The following SLC38A7 variants were observed in gnomAD, a reference collection of about 807,000 sequenced individuals.
SLC38A7 encodes the protein sodium-coupled neutral amino acid transporter 7.
SLC38A7 carries 29 observed loss-of-function variants against 50.1 expected under a neutral mutation model. The ratio of observed to expected loss-of-function variants is 0.58; its 90% CI spans 0.43 to 0.79. The LOEUF (loss-of-function observed/expected upper bound fraction) is 0.79, where lower values mean the gene tolerates loss of function less well. Ranked by LOEUF, SLC38A7 falls within the 30% of genes least tolerant of loss-of-function variation. The pLI, the probability that SLC38A7 is intolerant of heterozygous loss-of-function variation, is 0.00. For missense variants in SLC38A7, 483 were observed against 610.6 expected (o/e 0.79, Z 2.20); for synonymous variants, 244 against 245.9 (o/e 0.99, Z 0.07).
chr16:58,679,682 G>T, intron 3 of SLC38A7, 175 bp downstream of exon 3: 1 of 764,724 alleles, frequency 1.3e-6, no homozygotes, highest in Non-Finnish European at 2.0e-6. Flanking sequence ...GGCTTCTGAA[G>T]CCTCATTTGG....
chr16:58,670,030 T>C (rs2044129750), intron 11 of SLC38A7, 83 bp downstream of exon 11: 2 of 1,202,290 alleles, frequency 1.7e-6, no homozygotes, highest in African/African-American at 3.1e-5. Flanking sequence ...AGCCTCTGAC[T>C]CCTATCTGTT....
chr16:58,679,735 T>C (rs1466280062), intron 3 of SLC38A7, 122 bp downstream of exon 3: 3 of 1,290,344 alleles, frequency 2.3e-6, no homozygotes, highest in African/African-American at 1.5e-5. Flanking sequence ...ATGTCTGCCA[T>C]GTGTGAGGGA....
At position 58,678,845 on chromosome 16, in the gene SLC38A7, G is replaced by T; in HGVS notation, c.320C>A (p.Ser107Tyr). The T allele has an allele frequency of 1.2e-6, 2 of 1,614,124 alleles. No homozygotes were observed. Among genetic ancestry groups the T allele is most frequent in the Non-Finnish European group, 1.7e-6 (2 of 1,180,040 alleles). Reference protein sequence around the residue: ...ISGLVILAYCSQASNERTYQE... With the variant: ...ISGLVILAYCYQASNERTYQE... Reference sequence around the variant, plus strand: ...GTAGGTCCTCTCATTGCTGGCCTGGGAGCAGTAGGCCAGGATGACAAGGCC... The same window carrying T: ...GTAGGTCCTCTCATTGCTGGCCTGGTAGCAGTAGGCCAGGATGACAAGGCC... Residue 107 changes from serine (S) to tyrosine (Y), a missense_variant, in exon 4 of 12, where the codon TCC (serine) becomes TAC (tyrosine). Transcript: ENST00000219320. The surrounding 1 kb of genome is among the most constrained non-coding windows in gnomAD (Gnocchi z 4.0).
intron 8 of SLC38A7, among the ~76,000 whole-genome samples, chr16:58,673,830 A>AT (rs1212854298): frequency 4.0e-4 from 59 of 146,452 alleles, no homozygotes; most frequent in East Asian, 4.0e-4. Flanking sequence ...TGCCTGGCTA[A>AT]TTTTTTTTTT....
At position 58,665,753 on chromosome 16, in the gene SLC38A7, G is replaced by T. The variant is rs1436649155; in HGVS notation, c.*1632C>A. 1.3e-5 allele frequency: 2 copies of T among 152,240 alleles called. No homozygotes were observed. Among genetic ancestry groups the T allele is most frequent in the Non-Finnish European group, 2.9e-5 (2 of 68,108 alleles). 9.4% of individuals were successfully genotyped at this position (152,240 alleles called of 1,614,324 possible). A position where few individuals can be genotyped will look rare whatever the true frequency, so the allele number is the denominator to read the frequency against. The stretch of plus-strand genomic sequence containing the variant: ...ACGGGAATATAGTGGGGAGTAGGGT[G>T]GGAGGTGGGGAGATAGCCTATCTCT... On this transcript the variant is annotated 3_prime_UTR_variant, in exon 12 of 12. Coordinates refer to ENST00000219320, the MANE Select transcript of SLC38A7 (RefSeq NM_018231.3).
At position 58,679,958 on chromosome 16, in the gene SLC38A7, T is replaced by C; in HGVS notation, c.169A>G (p.Ile57Val). The change falls in exon 3 of 12, where the codon ATC (isoleucine) becomes GTC (valine). Residue 57 changes from isoleucine (I) to valine (V), a missense_variant. Ile to Val is a conservative substitution (Grantham distance 29). Coordinates refer to ENST00000219320, the MANE Select transcript of SLC38A7 (RefSeq NM_018231.3). ...DRGTTSTLGA[I>V]FIVVNACLGA... ...AGGCACGCGTTGACGACGATGAAGA[T>C]GGCCCCAAGTGTGGAAGTGGTGCCT... 1 of 1,611,796 alleles carries C rather than the reference T, an allele frequency of 6.2e-7. No individual in the cohort carries two copies. Among genetic ancestry groups the C allele is most frequent in the Non-Finnish European group, 8.5e-7 (1 of 1,178,570 alleles).
chr16:58,674,826 C>T lies in SLC38A7; in HGVS notation c.883+1114G>A, dbSNP rs187005146. On this transcript the variant is annotated intron_variant, in intron 8 of 11. Coordinates refer to ENST00000219320, the MANE Select transcript of SLC38A7 (RefSeq NM_018231.3). ...CTACGGTCTATCCGTGGAAAGAACT[C>T]AGGGGATCCTTCTTCCAGGGTCTCC... Among the ~76,000 whole-genome samples the T allele has an allele frequency of 3.3e-5, 5 of 152,236 alleles. No homozygotes were observed. In the East Asian group the frequency reaches 9.7e-4, roughly 29 times the overall value.
At chr16:58,670,949 T>C (rs939782033) in intron 10 of SLC38A7, 96 bp downstream of exon 10, 56 of 1,319,298 alleles carry the variant, frequency 4.2e-5, no homozygotes, top group Non-Finnish European at 5.5e-5. Flanking sequence ...GTGGTTACTC[T>C]CTCCTGCATG....
At chr16:58,680,603 G>A (rs1178364011) in intron 2 of SLC38A7, among the ~76,000 whole-genome samples, 1 of 152,176 alleles carries the variant, frequency 6.6e-6, no homozygotes, top group Admixed American at 6.5e-5. Flanking sequence ...TCCCATCACT[G>A]ACCCAGGGTC....
At position 58,667,011 on chromosome 16, in the gene SLC38A7, A is replaced by G; in HGVS notation, c.*374T>C. On this transcript the variant is annotated 3_prime_UTR_variant, in exon 12 of 12. Transcript: ENST00000219320. ...CTCAGGACAGGGTGCTCTGTGGAGG[A>G]TGGTGGCCTTCTGTCCATAGTCATT... is the stretch of plus-strand genomic sequence containing the variant. 1 of 300,068 alleles carries G rather than the reference A, an allele frequency of 3.3e-6. No homozygotes were observed. Among genetic ancestry groups the G allele is most frequent in the South Asian group, 8.0e-5 (1 of 12,538 alleles). The allele number at this position is 300,068 out of a possible 1,614,324, so 18.6% of individuals were successfully genotyped here.
intron 5 of SLC38A7, among the ~76,000 whole-genome samples, chr16:58,677,741 A>G (rs1230272006): frequency 6.6e-6 from 1 of 152,204 alleles, no homozygotes; most frequent in Non-Finnish European, 1.5e-5. Flanking sequence ...AGAGCAGCCC[A>G]GCCCGGGCAG....
In SLC38A7 at chr16:58,678,544, C is replaced by A; in HGVS notation, c.470-70G>T. On this transcript the variant is annotated intron_variant, in intron 4 of 11. Coordinates refer to ENST00000219320, the MANE Select transcript of SLC38A7 (RefSeq NM_018231.3). This position sits in a 1 kb window ranked among gnomAD's most constrained non-coding sequence, Gnocchi z 4.0. ...GGTGTGGCCCTCCTGCTCTGCTGGG[C>A]CCCAGGACCTCCCTCTGCCTGGAGG... The A allele has an allele frequency of 1.3e-6, 2 of 1,552,918 alleles. No individual in the cohort carries two copies. The highest frequency in any genetic ancestry group is 1.8e-5 in the Admixed American group (1 of 55,472).
At chr16:58,680,763 C>T (rs573080316) in intron 2 of SLC38A7, among the ~76,000 whole-genome samples, 1 of 152,292 alleles carries the variant, frequency 6.6e-6, no homozygotes, top group East Asian at 1.9e-4. Flanking sequence ...GGCCTGGAGT[C>T]TGAATTCTGT....
chr16:58,681,722 G>A (rs948184161), intron 2 of SLC38A7: 1 of 152,132 alleles, frequency 6.6e-6, no homozygotes, highest in African/African-American at 2.4e-5. Context: ...TGGGTCGTGT[G>A]TTAATATCAG....
In SLC38A7 at chr16:58,678,762, T is replaced by C. The variant is rs199648800; in HGVS notation, c.403A>G (p.Ile135Val). Residue 135 changes from isoleucine to valine, a missense_variant, in exon 4 of 12, where the codon ATC (isoleucine) becomes GTC (valine). Coordinates refer to ENST00000219320, the MANE Select transcript of SLC38A7 (RefSeq NM_018231.3). This position sits in a 1 kb window ranked among gnomAD's most constrained non-coding sequence, Gnocchi z 4.0. ...KLTGVLCEVAIAVYTFGTCIA... is the reference protein window; with the variant it reads ...KLTGVLCEVAVAVYTFGTCIA... ...CAGGTGCCAAAGGTGTAGACAGCGA[T>C]GGCCACCTCACATAGCACACCTGTC... 38 of 1,614,218 alleles carry C rather than the reference T, an allele frequency of 2.4e-5. No individual in the cohort carries two copies. Among genetic ancestry groups the C allele is most frequent in the East Asian group, 2.2e-5 (1 of 44,876 alleles).
In SLC38A7 at chr16:58,667,291, T is replaced by G; in HGVS notation, c.*94A>C. ...GATGTCCGGATGTCATCCCACCAGTTGGAATGATCGTGGACTAAGAATGGC... is the reference window on the plus strand; with the variant it reads ...GATGTCCGGATGTCATCCCACCAGTGGGAATGATCGTGGACTAAGAATGGC... On this transcript the variant is annotated 3_prime_UTR_variant, in exon 12 of 12. Coordinates refer to ENST00000219320, the MANE Select transcript of SLC38A7 (RefSeq NM_018231.3). 7.6e-7 allele frequency: 1 copy of G among 1,312,114 alleles called. No individual in the cohort carries two copies. Among genetic ancestry groups the G allele is most frequent in the Non-Finnish European group, 1.1e-6 (1 of 915,612 alleles). 81.3% of individuals were successfully genotyped at this position (1,312,114 alleles called of 1,614,324 possible). A position where few individuals can be genotyped will look rare whatever the true frequency, so the allele number is the denominator to read the frequency against.
rs187599941 is a variant in SLC38A7 at position 58,668,904 on chromosome 16, G to A, written c.1286+1209C>T. On this transcript the variant is annotated intron_variant, in intron 11 of 11. Coordinates refer to ENST00000219320, the MANE Select transcript of SLC38A7 (RefSeq NM_018231.3). The stretch of plus-strand genomic sequence containing the variant: ...TCTCCTACCTCAGCCTCCCGAGCTA[G>A]GACTACAGGCATGCGCCACCACAAC... Among the ~76,000 whole-genome samples the A allele has an allele frequency of 6.6e-3, 951 of 143,492 alleles. 8 individuals carry two copies. Among genetic ancestry groups the A allele is most frequent in the African/African-American group, 0.023 (900 of 38,960 alleles). The allele number at this position is 143,492 out of a possible 152,430, so 94.1% of individuals were successfully genotyped here.
At position 58,671,342 on chromosome 16, in the gene SLC38A7, GA is replaced by G. The variant is rs369823275; in HGVS notation, c.1032-99del. On this transcript the variant is annotated intron_variant, in intron 9 of 11. Coordinates refer to ENST00000219320, the MANE Select transcript of SLC38A7 (RefSeq NM_018231.3). The stretch of plus-strand genomic sequence containing the variant: ...GACCCCTAACTGGGTAGACTGCGGG[GA>G]AAGCCCCATTCCTGACCCTCAGTTT... 16 of 1,241,354 alleles carry G rather than the reference GA, an allele frequency of 1.3e-5. No individual in the cohort carries two copies. In the East Asian group the frequency reaches 1.8e-4, roughly 14 times the overall value. The allele number at this position is 1,241,354 out of a possible 1,614,324, so 76.9% of individuals were successfully genotyped here.
chr16:58,671,562 T>C (rs2152075732), intron 9 of SLC38A7: 1 of 394,070 alleles, frequency 2.5e-6, no homozygotes, highest in East Asian at 4.5e-5. Context: ...TAGAGATTCT[T>C]TTGTTTTTTG....
Sources: allele counts gnomAD v4.1 joint callset (sites outside exome capture counted in the v4.1 genomes callset), GRCh38; gene constraint gnomAD v4.1.1; non-coding constraint Gnocchi (gnomAD v3.1); transcripts MANE v1.5; gene names NCBI Gene and HGNC (gene_info 2026-07-23, HGNC 2026-07-21).